Variants in WIF1 observed in about 807,000 individuals in gnomAD.
WIF1 encodes Wnt inhibitory factor 1.
A neutral mutation model predicts 53.5 loss-of-function variants in WIF1; 35 were observed. That is an observed-to-expected ratio of 0.65 (90% CI 0.50 to 0.87). The LOEUF (loss-of-function observed/expected upper bound fraction) is 0.87. Ranked by LOEUF, WIF1 falls within the 40% of genes least tolerant of loss-of-function variation. The probability of loss-of-function intolerance (pLI) is 0.00; values close to 1 mark genes in which losing one functional copy is unlikely to be tolerated. For missense variants in WIF1, 467 were observed against 476.8 expected (o/e 0.98, Z 0.19); for synonymous variants, 171 against 170.4 (o/e 1.00, Z -0.03).
intron 2 of WIF1, chr12:65,095,663 A>G (rs1883192069): frequency 6.6e-6 from 1 of 152,144 alleles, no homozygotes; most frequent in Admixed American, 6.6e-5. Context: ...GACTATCTTT[A>G]AAGAAAATAT....
At chr12:65,095,932 C>A (rs1283276886) in intron 2 of WIF1, 1 of 152,120 alleles carries the variant, frequency 6.6e-6, no homozygotes, top group Admixed American at 6.6e-5. Flanking sequence ...AAAACCTAAG[C>A]AATACCATTC....
chr12:65,114,005 C>A (rs1231524382), intron 2 of WIF1, among the ~76,000 whole-genome samples: 2 of 152,096 alleles, frequency 1.3e-5, no homozygotes, highest in Non-Finnish European at 2.9e-5. Context: ...ACTACCAAAA[C>A]AATCATAACT....
At chr12:65,093,993 G>A (rs936080146) in intron 2 of WIF1, among the ~76,000 whole-genome samples, 24 of 152,096 alleles carry the variant, frequency 1.6e-4, no homozygotes, top group African/African-American at 5.1e-4. Context: ...AACAGTGACG[G>A]TTCTGTAATT....
chr12:65,109,769 C>A (rs529394003), intron 2 of WIF1, among the ~76,000 whole-genome samples: 1 of 152,182 alleles, frequency 6.6e-6, no homozygotes. Flanking sequence ...TTTCTTTCTT[C>A]TCTTGTTTCC....
chr12:65,063,698 C>CT lies in WIF1; in HGVS notation c.731-1123dup, dbSNP rs34354517. ...GTACTCACTTTGGCAAATCAAAACTCTTTTTTTTTTTTTTTTTGGTTTGTT... is the reference window on the plus strand; with the variant it reads ...GTACTCACTTTGGCAAATCAAAACTCTTTTTTTTTTTTTTTTTTGGTTTGTT... On this transcript the variant is annotated intron_variant, in intron 6 of 9. Transcript: ENST00000286574. Among the ~76,000 whole-genome samples the CT allele has an allele frequency of 4.0e-3, 522 of 131,792 alleles. 5 individuals are homozygous for CT. Among genetic ancestry groups the CT allele is most frequent in the African/African-American group, 0.01 (369 of 36,064 alleles). 86.5% of individuals were successfully genotyped at this position (131,792 alleles called of 152,430 possible).
intron 9 of WIF1, among the ~76,000 whole-genome samples, chr12:65,054,425 C>T (rs1882493393): frequency 6.6e-6 from 1 of 152,112 alleles, no homozygotes. Flanking sequence ...TGCTTGGATT[C>T]ATGCTTAGCA....
intron 6 of WIF1, among the ~76,000 whole-genome samples, chr12:65,065,869 G>A (rs1003867759): frequency 2.0e-5 from 3 of 152,182 alleles, no homozygotes; most frequent in African/African-American, 7.2e-5. Context: ...TTAGGGCCAA[G>A]TTTGAATTCA....
At chr12:65,080,401 G>A (rs1882929028) in intron 2 of WIF1, among the ~76,000 whole-genome samples, 1 of 152,178 alleles carries the variant, frequency 6.6e-6, no homozygotes, top group South Asian at 2.1e-4. Context: ...TCTGATGAAA[G>A]GAGTGTTGTC....
At chr12:65,108,233 C>T (rs1011748105) in intron 2 of WIF1, among the ~76,000 whole-genome samples, 2 of 152,148 alleles carry the variant, frequency 1.3e-5, no homozygotes, top group South Asian at 4.1e-4. Flanking sequence ...TAGTCTTGTT[C>T]ATTTTCAACC....
intron 2 of WIF1, among the ~76,000 whole-genome samples, chr12:65,107,485 A>G (rs529217437): frequency 1.3e-5 from 2 of 152,244 alleles, no homozygotes; most frequent in African/African-American, 2.4e-5. Flanking sequence ...TTAGCCAGGC[A>G]TGGTAGCTCC....
At chr12:65,076,228 A>C (rs1882858404) in intron 3 of WIF1, among the ~76,000 whole-genome samples, 2 of 151,902 alleles carry the variant, frequency 1.3e-5, no homozygotes, top group Non-Finnish European at 1.5e-5. Flanking sequence ...TTGTAGAGAC[A>C]GTCTCGCTAT....
At chr12:65,102,942 T>C (rs1436170766) in intron 2 of WIF1, among the ~76,000 whole-genome samples, 3 of 152,200 alleles carry the variant, frequency 2.0e-5, no homozygotes, top group Non-Finnish European at 4.4e-5. Context: ...AAAAAACATC[T>C]AAAATATCAA....
chr12:65,120,521 T>G lies in WIF1; in HGVS notation c.184A>C (p.Lys62Gln). Residue 62 changes from lysine (K) to glutamine (Q), a missense_variant, in exon 2 of 10, where the codon AAA (lysine) becomes CAA (glutamine). Coordinates refer to ENST00000286574, the MANE Select transcript of WIF1 (RefSeq NM_007191.5). Reference sequence around the variant, plus strand: ...AAATCATGTGTAAAAGGTGCCATTTTCCCCTCTGAAACAATCAGGATATCT... The same window carrying G: ...AAATCATGTGTAAAAGGTGCCATTTGCCCCTCTGAAACAATCAGGATATCT... ...EEDILIVSEG[K>Q]MAPFTHDFRK... The G allele has an allele frequency of 6.2e-7, 1 of 1,614,096 alleles. No individual in the cohort carries two copies. Among genetic ancestry groups the G allele is most frequent in the Non-Finnish European group, 8.5e-7 (1 of 1,180,004 alleles).
At chr12:65,055,347 T>A in intron 8 of WIF1, 134 bp from the exon 9 acceptor site, 1 of 903,756 alleles carries the variant, frequency 1.1e-6, no homozygotes, top group Non-Finnish European at 1.6e-6. Flanking sequence ...CCTAAGTCAG[T>A]CTCCAGTCAT....
At chr12:65,113,078 T>A (rs759948919) in intron 2 of WIF1, among the ~76,000 whole-genome samples, 33 of 152,160 alleles carry the variant, frequency 2.2e-4, no homozygotes, top group Non-Finnish European at 2.5e-4. Flanking sequence ...GCTCTGTATT[T>A]GTTGATTGAG....
intron 2 of WIF1, 122 bp downstream of exon 2, chr12:65,120,295 G>A (rs1883580347): frequency 2.0e-6 from 2 of 1,009,820 alleles, no homozygotes; most frequent in East Asian, 2.7e-5. Flanking sequence ...ATTTGCTTTG[G>A]CAATCAGATG....
chr12:65,119,998 T>C (rs1883576460), intron 2 of WIF1, among the ~76,000 whole-genome samples: 1 of 152,232 alleles, frequency 6.6e-6, no homozygotes, highest in Admixed American at 6.5e-5. Context: ...TTTTTAAAAG[T>C]GCACAATGTC....
intron 6 of WIF1, among the ~76,000 whole-genome samples, chr12:65,065,252 A>C (rs910293836): frequency 3.9e-5 from 6 of 152,146 alleles, no homozygotes; most frequent in Admixed American, 1.3e-4. Flanking sequence ...CCAAGTCTAG[A>C]GATAGAAAAA....
At chr12:65,092,682 G>A (rs1345662544) in intron 2 of WIF1, among the ~76,000 whole-genome samples, 1 of 151,976 alleles carries the variant, frequency 6.6e-6, no homozygotes, top group African/African-American at 2.4e-5. Flanking sequence ...AGGTGGCAGT[G>A]TACCTGGCAC....
Sources: gnomAD v4.1 joint callset for allele counts (sites outside exome capture counted in the v4.1 genomes callset) on GRCh38, gnomAD v4.1.1 for gene constraint, MANE v1.5 for transcripts, NCBI Gene and HGNC (gene_info 2026-07-23, HGNC 2026-07-21) for gene names.